Variants in APBA2 observed in about 807,000 individuals in gnomAD.
The protein encoded by APBA2 is amyloid-beta A4 precursor protein-binding family A member 2.
APBA2 carries 30 observed loss-of-function variants against 75.0 expected under a neutral mutation model. That is an observed-to-expected ratio of 0.40 (90% confidence interval 0.30 to 0.54). The LOEUF is 0.54. Ranked by LOEUF, APBA2 falls within the 20% of genes least tolerant of loss-of-function variation. APBA2 has a pLI of 0.49. For synonymous variants in APBA2, 444 were observed against 409.6 expected, an observed-to-expected ratio of 1.08 and a Z score of -1.01; for missense variants, 801 against 1,016.1, an observed-to-expected ratio of 0.79 and a Z score of 2.88.
chr15:29,013,273 CTTTTTTTT>C (rs560518234), intron 3 of APBA2, among the ~76,000 whole-genome samples: 2 of 85,852 alleles, frequency 2.3e-5, no homozygotes, highest in African/African-American at 5.0e-5. Flanking sequence ...ATGAGTCATT[CTTTTTTTT>C]TTTTTTTTTT....
intron 2 of APBA2, among the ~76,000 whole-genome samples, chr15:28,943,884 T>C (rs572996488): frequency 1.6e-4 from 25 of 152,196 alleles, no homozygotes; most frequent in Non-Finnish European, 3.5e-4. Flanking sequence ...CAGGCTCTTA[T>C]GGATCCCAGA....
At chr15:28,933,863 C>T (rs560422404) in intron 2 of APBA2, among the ~76,000 whole-genome samples, 28 of 152,282 alleles carry the variant, frequency 1.8e-4, no homozygotes, top group Middle Eastern at 3.4e-3. Flanking sequence ...GATGCTGGAG[C>T]GCAAGGAGGG....
rs2045250765 is a variant in APBA2, at chr15:29,117,319, T to A, written c.*186T>A. The A allele has an allele frequency of 4.9e-6, 3 of 612,596 alleles. No homozygotes were observed. The highest frequency in any genetic ancestry group is 8.7e-6 in the Non-Finnish European group (3 of 344,302). The allele number at this position is 612,596 out of a possible 1,614,324, so 37.9% of individuals were successfully genotyped here. On this transcript the variant is annotated 3_prime_UTR_variant, in exon 15 of 15. Coordinates refer to ENST00000683413, the MANE Select transcript of APBA2 (RefSeq NM_001353788.2). ...TTTGCCAAAAAGGGGTATGTCTTTA[T>A]CAAAGGAGAGTCACAGAACAAATGT...
chr15:29,116,414 C>T (rs1302297798), intron 14 of APBA2, among the ~76,000 whole-genome samples: 3 of 152,020 alleles, frequency 2.0e-5, no homozygotes, highest in African/African-American at 4.8e-5. Flanking sequence ...ATCACGAGGT[C>T]GGGAGATTGA....
chr15:28,922,923 G>A (rs1209432568), intron 2 of APBA2, among the ~76,000 whole-genome samples: 2 of 152,196 alleles, frequency 1.3e-5, no homozygotes, highest in Non-Finnish European at 2.9e-5. Context: ...AGAGGTGAGA[G>A]AACTGAGGTT....
At chr15:29,082,144 C>T (rs1159761282) in intron 6 of APBA2, among the ~76,000 whole-genome samples, 1 of 152,166 alleles carries the variant, frequency 6.6e-6, no homozygotes, top group East Asian at 1.9e-4. Context: ...AACACTATTT[C>T]GTATGTTCAT....
At chr15:28,978,591 T>C (rs1397350957) in intron 2 of APBA2, among the ~76,000 whole-genome samples, 1 of 152,234 alleles carries the variant, frequency 6.6e-6, no homozygotes, top group Non-Finnish European at 1.5e-5. Context: ...GGGGGAATCT[T>C]TCTTCCCCAC....
At chr15:28,891,390 ATCAGATTTGTTTT>A (rs1486822479) in intron 1 of APBA2, among the ~76,000 whole-genome samples, 4 of 152,120 alleles carry the variant, frequency 2.6e-5, no homozygotes, top group African/African-American at 9.6e-5. Flanking sequence ...CCCATTTTGT[ATCAGATTTGTTTT>A]TCACGGGGTG....
intron 2 of APBA2, among the ~76,000 whole-genome samples, chr15:28,972,041 AC>A (rs2037097160): frequency 6.6e-6 from 1 of 152,230 alleles, no homozygotes; most frequent in Non-Finnish European, 1.5e-5. Context: ...AAATGGATAA[AC>A]AACGGGAGAT....
intron 1 of APBA2, among the ~76,000 whole-genome samples, chr15:28,912,515 A>G (rs1268923378): frequency 6.6e-6 from 1 of 152,240 alleles, no homozygotes; most frequent in Non-Finnish European, 1.5e-5. Flanking sequence ...GCTGTTGGCT[A>G]CTTATCTCCT....
At chr15:29,013,561 G>A (rs1316042994) in intron 3 of APBA2, among the ~76,000 whole-genome samples, 3 of 152,162 alleles carry the variant, frequency 2.0e-5, no homozygotes, top group Admixed American at 6.5e-5. Context: ...GATTACAGGC[G>A]TGAGCCACCG....
At chr15:29,058,562 T>C (rs888684440) in intron 4 of APBA2, among the ~76,000 whole-genome samples, 1 of 151,896 alleles carries the variant, frequency 6.6e-6, no homozygotes, top group African/African-American at 2.4e-5. Context: ...AGAAGTAGGT[T>C]GTGTGGCCTT....
At chr15:29,059,209 G>A (rs2042029173) in intron 4 of APBA2, among the ~76,000 whole-genome samples, 1 of 151,162 alleles carries the variant, frequency 6.6e-6, no homozygotes, top group South Asian at 2.1e-4. Context: ...TTGCATTTTT[G>A]TTGATATGTG....
intron 2 of APBA2, among the ~76,000 whole-genome samples, chr15:28,979,234 C>T (rs781663037): frequency 2.0e-5 from 3 of 152,168 alleles, no homozygotes; most frequent in Non-Finnish European, 2.9e-5. Context: ...TTCTCTCGGG[C>T]CCTACCACCA....
Position 28,904,064 on chromosome 15 carries a change from G to A in APBA2, c.-204-17576G>A, listed in dbSNP as rs575386216. Among the ~76,000 whole-genome samples the A allele has an allele frequency of 7.9e-5, 12 of 152,304 alleles. No individual in the cohort carries two copies. The East Asian group carries it at 2.3e-3, about 29-fold the overall frequency. ...CAACTCAGCAGTTTAGCATTACAGC[G>A]ATTTTTGGCAAGAGAGAACACTTTT... is the stretch of plus-strand genomic sequence containing the variant. On this transcript the variant is annotated intron_variant, in intron 1 of 14. Coordinates refer to ENST00000683413, the MANE Select transcript of APBA2 (RefSeq NM_001353788.2).
chr15:28,918,032 G>T lies in APBA2; in HGVS notation c.-204-3608G>T, dbSNP rs558215742. Among the ~76,000 whole-genome samples the T allele has an allele frequency of 6.6e-6, 1 of 152,340 alleles. No individual in the cohort carries two copies. Among genetic ancestry groups the T allele is most frequent in the Admixed American group, 6.5e-5 (1 of 15,308 alleles). On this transcript the variant is annotated intron_variant, in intron 1 of 14. Coordinates refer to ENST00000683413, the MANE Select transcript of APBA2 (RefSeq NM_001353788.2). The surrounding 1 kb of genome is among the most constrained non-coding windows in gnomAD (Gnocchi z 4.2). Reference sequence around the variant, plus strand: ...GATGCCACTGTGGGGCAAGGAAGCTGCCCCCAGTCGGTCCCCGAGGATTCT... The same window carrying T: ...GATGCCACTGTGGGGCAAGGAAGCTTCCCCCAGTCGGTCCCCGAGGATTCT...
At chr15:28,963,218 T>C (rs1310215722) in intron 2 of APBA2, among the ~76,000 whole-genome samples, 1 of 152,216 alleles carries the variant, frequency 6.6e-6, no homozygotes, top group African/African-American at 2.4e-5. Context: ...GACGTGGTAT[T>C]TTCAGTGTAT....
intron 2 of APBA2, among the ~76,000 whole-genome samples, chr15:28,956,795 G>T (rs1460431757): frequency 6.6e-6 from 1 of 152,158 alleles, no homozygotes; most frequent in Non-Finnish European, 1.5e-5. Flanking sequence ...ACGACTTCAG[G>T]TGCCTCGTAT....
chr15:29,096,373 C>T (rs1385425550), intron 8 of APBA2, among the ~76,000 whole-genome samples: 1 of 152,210 alleles, frequency 6.6e-6, no homozygotes, highest in African/African-American at 2.4e-5. Flanking sequence ...TCCAGGGATC[C>T]CAGCCTCAGG....
Sources: gnomAD v4.1 joint callset for allele counts (sites outside exome capture counted in the v4.1 genomes callset) on GRCh38, gnomAD v4.1.1 for gene constraint, Gnocchi (gnomAD v3.1) non-coding constraint, MANE v1.5 for transcripts, NCBI Gene and HGNC (gene_info 2026-07-23, HGNC 2026-07-21) for gene names.